GRM7: variants seen among roughly 807,000 people sequenced by gnomAD.
GRM7 encodes metabotropic glutamate receptor 7.
A neutral mutation model predicts 84.5 loss-of-function variants in GRM7; 35 were observed. The ratio of observed to expected loss-of-function variants is 0.41; its 90% confidence interval spans 0.32 to 0.55. GRM7 has a LOEUF of 0.55. Ranked by LOEUF, GRM7 falls within the 20% of genes least tolerant of loss-of-function variation. The probability of loss-of-function intolerance (pLI) is 0.19; values close to 1 mark genes in which losing one functional copy is unlikely to be tolerated. For missense variants in GRM7, 1,003 were observed against 1,194.6 expected (o/e 0.84, Z 2.36); for synonymous variants, 487 against 455.1 (o/e 1.07, Z -0.89).
chr3:7,161,540 A>C (rs2125079204), intron 2 of GRM7, among the ~76,000 whole-genome samples: 1 of 152,274 alleles, frequency 6.6e-6, no homozygotes, highest in African/African-American at 2.4e-5. Context: ...TTGAGAAACA[A>C]GTAAGATACC....
At chr3:6,866,987 G>A (rs1282649590) in intron 1 of GRM7, among the ~76,000 whole-genome samples, 1 of 152,152 alleles carries the variant, frequency 6.6e-6, no homozygotes, top group Non-Finnish European at 1.5e-5. Context: ...CCAACACAAG[G>A]AGAGACTTTC....
At chr3:6,919,752 C>T (rs1697062103) in intron 1 of GRM7, among the ~76,000 whole-genome samples, 7 of 151,862 alleles carry the variant, frequency 4.6e-5, no homozygotes, top group Admixed American at 3.9e-4. Flanking sequence ...AGATAACTAT[C>T]GAAGATTCTA....
intron 1 of GRM7, among the ~76,000 whole-genome samples, chr3:6,937,277 G>T (rs371750367): frequency 1.3e-5 from 2 of 152,270 alleles, no homozygotes; most frequent in African/African-American, 4.8e-5. Context: ...TCAGAAGAAT[G>T]GAAAATGGGA....
intron 1 of GRM7, among the ~76,000 whole-genome samples, chr3:7,063,729 A>C (rs1199609333): frequency 2.0e-5 from 3 of 148,578 alleles, no homozygotes; most frequent in Non-Finnish European, 3.0e-5. Context: ...GGAGAGACCC[A>C]AGGTCACCCC....
At chr3:7,423,118 T>A (rs1696464308) in intron 5 of GRM7, among the ~76,000 whole-genome samples, 1 of 152,180 alleles carries the variant, frequency 6.6e-6, no homozygotes, top group African/African-American at 2.4e-5. Context: ...AAGGGGTCTC[T>A]ACTGAATGCC....
chr3:7,120,229 ATTAGTC>A (rs1477113333), intron 1 of GRM7, among the ~76,000 whole-genome samples: 3 of 152,112 alleles, frequency 2.0e-5, no homozygotes, highest in Non-Finnish European at 4.4e-5. Context: ...GTAAAAACCT[ATTAGTC>A]AAGAACGGGA....
chr3:7,230,656 T>C (rs940587185), intron 2 of GRM7, among the ~76,000 whole-genome samples: 1 of 152,210 alleles, frequency 6.6e-6, no homozygotes, highest in Admixed American at 6.5e-5. Flanking sequence ...AGCGGCTTAA[T>C]GCAGCTTTCA....
chr3:7,416,577 G>C (rs979994650), intron 5 of GRM7, among the ~76,000 whole-genome samples: 16 of 151,992 alleles, frequency 1.1e-4, no homozygotes, highest in Admixed American at 3.3e-4. Flanking sequence ...GTCTCAAGAA[G>C]TTTTCTGTGA....
chr3:7,344,400 C>T (rs1342067903), intron 4 of GRM7, among the ~76,000 whole-genome samples: 1 of 152,126 alleles, frequency 6.6e-6, no homozygotes, highest in Non-Finnish European at 1.5e-5. Flanking sequence ...CAGTTCCATC[C>T]ACGTCCCAGC....
At chr3:6,920,321 G>A (rs74800957) in intron 1 of GRM7, among the ~76,000 whole-genome samples, 7,322 of 152,134 alleles carry the variant, frequency 0.048, 200 homozygotes, top group African/African-American at 0.051. Context: ...TTGGGAGGCC[G>A]AGGCGAGAGG....
chr3:7,199,801 A>G (rs1508723), intron 2 of GRM7, among the ~76,000 whole-genome samples: 3,399 of 152,242 alleles, frequency 0.022, 112 homozygotes, highest in African/African-American at 0.076. Context: ...CTCTAAAGCC[A>G]TATTTCCTAA....
chr3:7,149,856 A>G (rs1397968784), intron 2 of GRM7, among the ~76,000 whole-genome samples: 1 of 152,212 alleles, frequency 6.6e-6, no homozygotes, highest in Non-Finnish European at 1.5e-5. Flanking sequence ...ATGGCTCCCT[A>G]TAAATAAGTA....
chr3:7,390,066 T>A (rs1278533250), intron 4 of GRM7, among the ~76,000 whole-genome samples: 2 of 152,156 alleles, frequency 1.3e-5, no homozygotes, highest in Non-Finnish European at 2.9e-5. Context: ...TTAATTCCCC[T>A]AGTGATTGCT....
At chr3:7,372,627 G>C (rs1006990749) in intron 4 of GRM7, among the ~76,000 whole-genome samples, 2 of 152,092 alleles carry the variant, frequency 1.3e-5, no homozygotes, top group African/African-American at 4.8e-5. Context: ...CAGAATAAAA[G>C]ATCCCTAAAA....
chr3:7,108,455 T>C (rs537965645), intron 1 of GRM7, among the ~76,000 whole-genome samples: 1 of 152,048 alleles, frequency 6.6e-6, no homozygotes, highest in African/African-American at 2.4e-5. Context: ...AGCAGGTGCT[T>C]GCTTCAACTG....
At chr3:7,272,366 A>T (rs1013767031) in intron 2 of GRM7, among the ~76,000 whole-genome samples, 14 of 152,152 alleles carry the variant, frequency 9.2e-5, no homozygotes, top group African/African-American at 1.2e-4. Context: ...CCTCCCTATG[A>T]GTCAGTGCTG....
At chr3:7,153,000 A>C (rs548536749) in intron 2 of GRM7, among the ~76,000 whole-genome samples, 1 of 152,276 alleles carries the variant, frequency 6.6e-6, no homozygotes, top group African/African-American at 2.4e-5. Flanking sequence ...GTTGACAGTA[A>C]CAGCAGTAGC....
At chr3:7,573,992 G>A (rs1420832306) in intron 7 of GRM7, among the ~76,000 whole-genome samples, 3 of 152,098 alleles carry the variant, frequency 2.0e-5, no homozygotes, top group East Asian at 1.9e-4. Flanking sequence ...ATCATTTCAC[G>A]CTCAAAATTC....
At chr3:7,601,805 A>T (rs1315841943) in intron 8 of GRM7, among the ~76,000 whole-genome samples, 1 of 152,040 alleles carries the variant, frequency 6.6e-6, no homozygotes, top group Non-Finnish European at 1.5e-5. Flanking sequence ...CCTAACTCTC[A>T]AGCATGGGGA....
Sources: allele counts gnomAD v4.1 joint callset (sites outside exome capture counted in the v4.1 genomes callset), GRCh38; gene constraint gnomAD v4.1.1; transcripts MANE v1.5; gene names NCBI Gene and HGNC (gene_info 2026-07-23, HGNC 2026-07-21).